Variants in CLASP2 observed in about 807,000 individuals in gnomAD.
CLASP2 encodes CLIP-associating protein 2.
Under a neutral mutation model 194.4 loss-of-function variants are expected in CLASP2, and 47 were observed. That is an observed-to-expected ratio of 0.24 (90% confidence interval 0.19 to 0.31). The LOEUF (loss-of-function observed/expected upper bound fraction) is 0.31, where lower values mean the gene tolerates loss of function less well. Among genes scored for constraint, CLASP2 ranks in the 10% least tolerant of loss-of-function variants. CLASP2 has a pLI of 1.00. For synonymous variants in CLASP2, 619 were observed against 633.5 expected (o/e 0.98, Z 0.34); for missense variants, 1,445 against 1,823.6 (o/e 0.79, Z 3.78).
At chr3:33,602,488 T>C (rs1303897504) in intron 18 of CLASP2, 4 of 736,248 alleles carry the variant, frequency 5.4e-6, no homozygotes, top group African/African-American at 5.1e-5. Flanking sequence ...CATAAAAACA[T>C]GAAGAAATCA....
intron 1 of CLASP2, among the ~76,000 whole-genome samples, chr3:33,708,585 C>T (rs940553474): frequency 1.1e-4 from 17 of 148,466 alleles, no homozygotes; most frequent in Admixed American, 1.1e-3. Context: ...CACACACCCC[C>T]CACATTTTCT....
At chr3:33,675,888 A>C (rs1201535004) in intron 6 of CLASP2, among the ~76,000 whole-genome samples, 1 of 150,130 alleles carries the variant, frequency 6.7e-6, no homozygotes, top group Non-Finnish European at 1.5e-5. Flanking sequence ...GACGTGAAGG[A>C]CCTCTTCAAG....
chr3:33,568,790 G>A (rs1178638303), intron 26 of CLASP2, among the ~76,000 whole-genome samples: 1 of 151,974 alleles, frequency 6.6e-6, no homozygotes, highest in African/African-American at 2.4e-5. Context: ...ATTGCATTCA[G>A]AAAGAAGATA....
intron 2 of CLASP2, among the ~76,000 whole-genome samples, chr3:33,693,669 AT>A (rs1217180214): frequency 2.0e-5 from 3 of 152,218 alleles, no homozygotes; most frequent in Admixed American, 2.0e-4. Context: ...AAAAGTAGGC[AT>A]TCAATTAATT....
intron 20 of CLASP2, chr3:33,592,721 G>C (rs1560199737): frequency 1.7e-6 from 1 of 578,576 alleles, no homozygotes; most frequent in East Asian, 3.4e-5. Context: ...CAAACTAAAA[G>C]ATTTACATTC....
At chr3:33,551,222 TTA>T in intron 30 of CLASP2, 28 bp downstream of exon 30, 1 of 1,574,472 alleles carries the variant, frequency 6.4e-7, no homozygotes, top group African/African-American at 1.4e-5. Context: ...CTTTCCCAAT[TTA>T]TCTTCTAAAC....
intron 34 of CLASP2, among the ~76,000 whole-genome samples, chr3:33,526,250 A>AT (rs969574461): frequency 2.0e-5 from 3 of 152,130 alleles, no homozygotes; most frequent in African/African-American, 7.2e-5. Flanking sequence ...CTCAGATGTC[A>AT]TAATACACAG....
Position 33,552,973 on chromosome 3 carries a change from G to C in CLASP2, c.3010-1578C>G, listed in dbSNP as rs192079986. Among the ~76,000 whole-genome samples, 14 of 152,268 alleles carry C rather than the reference G, an allele frequency of 9.2e-5. No homozygotes were observed. In the East Asian group the frequency reaches 2.3e-3, roughly 25 times the overall value. On this transcript the variant is annotated intron_variant, in intron 29 of 38. Transcript: ENST00000682230. ...CATATGACATAGTACACAGTCCTTG[G>C]ATACAGCAAGGATGCTAAACACATA...
intron 5 of CLASP2, 140 bp downstream of exon 5, chr3:33,686,920 A>AT (rs941729813): frequency 2.4e-4 from 133 of 555,558 alleles, no homozygotes; most frequent in East Asian, 6.0e-4. Flanking sequence ...ACTTTGATGG[A>AT]TTTTTTTTAA....
At chr3:33,670,317 C>G (rs2086921596) in intron 6 of CLASP2, among the ~76,000 whole-genome samples, 1 of 152,124 alleles carries the variant, frequency 6.6e-6, no homozygotes, top group African/African-American at 2.4e-5. Flanking sequence ...TTGTAATGTT[C>G]TACTTCATCT....
intron 21 of CLASP2, among the ~76,000 whole-genome samples, chr3:33,585,374 C>T (rs972092773): frequency 7.9e-5 from 12 of 152,114 alleles, no homozygotes; most frequent in Non-Finnish European, 1.3e-4. Context: ...GTGTGAACAT[C>T]ATAGAGTGTA....
chr3:33,531,947 T>C (rs2056415842), intron 34 of CLASP2, among the ~76,000 whole-genome samples: 1 of 152,194 alleles, frequency 6.6e-6, no homozygotes. Flanking sequence ...GTATACCTGC[T>C]ATGGAAAACA....
At chr3:33,543,172 T>A (rs2058643244) in intron 32 of CLASP2, among the ~76,000 whole-genome samples, 1 of 152,062 alleles carries the variant, frequency 6.6e-6, no homozygotes. Flanking sequence ...CAGGAGTTTG[T>A]GACCGGCCTG....
intron 36 of CLASP2, among the ~76,000 whole-genome samples, chr3:33,513,128 T>C (rs150654203): frequency 1.3e-5 from 2 of 152,324 alleles, no homozygotes; most frequent in African/African-American, 4.8e-5. Flanking sequence ...AGGCCTTATT[T>C]GGGTCAAAAG....
chr3:33,661,501 GAA>G (rs965739475), intron 7 of CLASP2, among the ~76,000 whole-genome samples: 1 of 152,224 alleles, frequency 6.6e-6, no homozygotes, highest in Admixed American at 6.5e-5. Flanking sequence ...TAGTATTTCA[GAA>G]GTAGAAATGT....
At chr3:33,662,428 T>C (rs1480301497) in intron 7 of CLASP2, among the ~76,000 whole-genome samples, 1 of 152,204 alleles carries the variant, frequency 6.6e-6, no homozygotes, top group Admixed American at 6.5e-5. Context: ...TTAAAACACT[T>C]TCTATTCAGA....
chr3:33,539,368 C>T (rs2057938582), intron 32 of CLASP2, among the ~76,000 whole-genome samples: 1 of 151,962 alleles, frequency 6.6e-6, no homozygotes, highest in African/African-American at 2.4e-5. Context: ...AAATCTCACT[C>T]TTCTCCCCCA....
Position 33,717,997 on chromosome 3 carries a change from C to T in CLASP2, c.6G>A (p.Glu2=), listed in dbSNP as rs936774619. The T allele has an allele frequency of 1.4e-4, 211 of 1,481,356 alleles. No individual in the cohort carries two copies. The highest frequency in any genetic ancestry group is 2.2e-4 in the Middle Eastern group (1 of 4,470). 91.8% of individuals were successfully genotyped at this position (1,481,356 alleles called of 1,614,324 possible). The change falls in exon 1 of 39, where the codon GAG becomes GAA. Residue 2 remains glutamate (E), a synonymous_variant. Coordinates refer to ENST00000682230, the MANE Select transcript of CLASP2 (RefSeq NM_001365631.1). The part of the protein sequence containing the change: M[E]PRSMEYFCAQ... ...CGCAGAAGTACTCCATGCTGCGGGG[C>T]TCCATGGCTGCGGCCGCCCGCCCGC...
At chr3:33,715,542 G>C (rs1559724685) in intron 1 of CLASP2, among the ~76,000 whole-genome samples, 1 of 151,928 alleles carries the variant, frequency 6.6e-6, no homozygotes, top group Non-Finnish European at 1.5e-5. Flanking sequence ...GCAATGCCTA[G>C]AAGAGTAAGT....
Sources: allele counts gnomAD v4.1 joint callset (sites outside exome capture counted in the v4.1 genomes callset), GRCh38; gene constraint gnomAD v4.1.1; transcripts MANE v1.5; gene names NCBI Gene and HGNC (gene_info 2026-07-23, HGNC 2026-07-21).